The following CCZ1 variants were observed in gnomAD, a reference collection of about 807,000 sequenced individuals.
The protein encoded by CCZ1 is CCZ1 vacuolar protein trafficking and biogenesis associated, also known as vacuolar fusion protein CCZ1 homolog.
In CCZ1, 19 loss-of-function variants were observed where a neutral mutation model predicts 57.8. That is an observed-to-expected ratio of 0.33 (90% confidence interval 0.23 to 0.48). CCZ1 has a LOEUF of 0.48. CCZ1 is among the 20% of genes least tolerant of loss of function. The pLI, the probability that CCZ1 is intolerant of heterozygous loss-of-function variation, is 0.99. For synonymous variants in CCZ1, 81 were observed against 167.0 expected (o/e 0.49, Z 3.97); for missense variants, 200 against 492.0 (o/e 0.41, Z 5.61).
intron 7 of CCZ1, among the ~76,000 whole-genome samples, chr7:5,909,121 T>TTA (rs397775128): frequency 1.4e-5 from 2 of 144,818 alleles, no homozygotes; most frequent in African/African-American, 2.6e-5. Context: ...TTTTTTTTTT[T>TTA]ATCTCAAATG....
intron 12 of CCZ1, among the ~76,000 whole-genome samples, chr7:5,922,585 GTCCC>G: frequency 2.7e-5 from 4 of 148,244 alleles, no homozygotes; most frequent in African/African-American, 1.0e-4. Context: ...TTCCCACTAG[GTCCC>G]CGAGGAGGTC....
At chr7:5,912,309 C>G (rs1583187977) in intron 9 of CCZ1, among the ~76,000 whole-genome samples, 1 of 129,738 alleles carries the variant, frequency 7.7e-6, no homozygotes, top group Admixed American at 8.0e-5. Context: ...TTTGTGCCAT[C>G]TGATTGACAG....
chr7:5,923,073 C>T (rs1221053616), intron 12 of CCZ1, among the ~76,000 whole-genome samples: 1 of 123,532 alleles, frequency 8.1e-6, no homozygotes, highest in Non-Finnish European at 1.7e-5. Flanking sequence ...AATCCCTGCA[C>T]TTTGGGAGGC....
chr7:5,900,508 A>G lies in CCZ1; in HGVS notation c.254A>G (p.His85Arg). The change falls in exon 3 of 15, where the codon CAT becomes CGT. Residue 85 changes from histidine to arginine, a missense_variant. Transcript: ENST00000325974. The part of the protein sequence containing the change: ...FSPSKPAKSL[H>R]TQKNRQFFNE... ...CCATCAAAACCTGCAAAATCTTTAC[A>G]TACACAGAAGAACAGACAGTTCTTC... 6.2e-7 allele frequency: 1 copy of G among 1,601,874 alleles called. No homozygotes were observed. The highest frequency in any genetic ancestry group is 8.5e-7 in the Non-Finnish European group (1 of 1,177,892).
chr7:5,904,673 T>G (rs958774383), intron 6 of CCZ1, among the ~76,000 whole-genome samples: 2 of 146,244 alleles, frequency 1.4e-5, no homozygotes, highest in Non-Finnish European at 3.0e-5. Context: ...CTACTAAAAA[T>G]GGAAAAAAAT....
At chr7:5,905,510 A>C (rs1781789580) in intron 7 of CCZ1, among the ~76,000 whole-genome samples, 1 of 146,406 alleles carries the variant, frequency 6.8e-6, no homozygotes, top group African/African-American at 2.6e-5. Flanking sequence ...AAGGCTGGGC[A>C]CGGTGGCTCA....
chr7:5,906,147 G>T (rs553419667), intron 7 of CCZ1, among the ~76,000 whole-genome samples: 1 of 147,618 alleles, frequency 6.8e-6, no homozygotes, highest in African/African-American at 2.5e-5. Flanking sequence ...GTGTCCTGCA[G>T]TAGGAACAAC....
At chr7:5,904,822 C>G (rs1299980006) in intron 6 of CCZ1, among the ~76,000 whole-genome samples, 2 of 148,006 alleles carry the variant, frequency 1.4e-5, no homozygotes, top group Non-Finnish European at 3.0e-5. Context: ...CAGAGCAAGA[C>G]TCTGTCACAA....
chr7:5,902,679 C>T lies in CCZ1; in HGVS notation c.457C>T (p.Leu153=), dbSNP rs1462254446. 1.9e-6 allele frequency: 3 copies of T among 1,590,722 alleles called. No individual in the cohort carries two copies. Among genetic ancestry groups the T allele is most frequent in the South Asian group, 2.4e-5 (2 of 84,924 alleles). The change falls in exon 6 of 15, where the codon CTG becomes TTG. Residue 153 remains leucine, a synonymous_variant. Coordinates refer to ENST00000325974, the MANE Select transcript of CCZ1 (RefSeq NM_015622.6). The stretch of plus-strand genomic sequence containing the variant: ...TCACTAGCTTTTTAATGGTACATTT[C>T]TGAAAGCCATGGAAGACGGAGGCGT... The part of the protein sequence containing the change: ...SMYKLFNGTF[L]KAMEDGGVKL...
intron 7 of CCZ1, among the ~76,000 whole-genome samples, chr7:5,908,668 C>G (rs969492743): frequency 6.8e-6 from 1 of 147,110 alleles, no homozygotes; most frequent in African/African-American, 2.5e-5. Context: ...GTGTGAGCTT[C>G]CGCGCCCGAC....
At chr7:5,906,681 C>G (rs556061485) in intron 7 of CCZ1, among the ~76,000 whole-genome samples, 1 of 149,440 alleles carries the variant, frequency 6.7e-6, no homozygotes, top group Admixed American at 6.6e-5. Flanking sequence ...GTAAATTCAG[C>G]TAATAGAAAA....
chr7:5,921,253 G>A (rs1453900178), intron 12 of CCZ1, among the ~76,000 whole-genome samples: 1 of 130,400 alleles, frequency 7.7e-6, no homozygotes, highest in Non-Finnish European at 1.7e-5. Context: ...GCATGGTCTT[G>A]TATAACCGTG....
chr7:5,900,171 T>C lies in CCZ1; in HGVS notation c.121-113T>C, dbSNP rs1482739820. ...TGTTTTTCTAAAACCGGTTTTTGTT[T>C]TGTTTTGTCATTAGCATGTGTGACA... On this transcript the variant is annotated intron_variant, in intron 1 of 14. Coordinates refer to ENST00000325974, the MANE Select transcript of CCZ1 (RefSeq NM_015622.6). The C allele has an allele frequency of 5.0e-6, 7 of 1,403,928 alleles. No homozygotes were observed. The African/African-American group carries it at 1.0e-4, about 21-fold the overall frequency. The allele number at this position is 1,403,928 out of a possible 1,614,324, so 87.0% of individuals were successfully genotyped here. A position where few individuals can be genotyped will look rare whatever the true frequency, so the allele number is the denominator to read the frequency against.
At chr7:5,906,308 C>T (rs1157201836) in intron 7 of CCZ1, among the ~76,000 whole-genome samples, 1 of 139,774 alleles carries the variant, frequency 7.2e-6, no homozygotes, top group Admixed American at 7.2e-5. Context: ...TGACTAGAGC[C>T]CACTTTCTTT....
intron 12 of CCZ1, among the ~76,000 whole-genome samples, chr7:5,922,668 C>G: frequency 6.6e-6 from 1 of 151,570 alleles, no homozygotes; most frequent in East Asian, 1.9e-4. Context: ...AAGGTACATC[C>G]CATTTAAAAT....
intron 6 of CCZ1, among the ~76,000 whole-genome samples, chr7:5,902,950 G>A (rs1229672341): frequency 1.3e-5 from 2 of 148,706 alleles, no homozygotes; most frequent in Non-Finnish European, 3.0e-5. Context: ...TGTGGTGTAA[G>A]GCAGAGCTTC....
chr7:5,911,710 G>T (rs928922610), intron 8 of CCZ1, 151 bp from the exon 9 acceptor site: 6 of 1,336,088 alleles, frequency 4.5e-6, no homozygotes, highest in Middle Eastern at 2.2e-4. Flanking sequence ...CATGCTGCAC[G>T]CATTCCAGCC....
intron 10 of CCZ1, among the ~76,000 whole-genome samples, chr7:5,914,877 G>C (rs1426298469): frequency 7.1e-5 from 2 of 28,188 alleles, no homozygotes; most frequent in Non-Finnish European, 1.5e-4. Flanking sequence ...CTCTGTCTCA[G>C]AAAGAAAAAA....
chr7:5,916,643 G>C (rs1433708796), intron 10 of CCZ1, among the ~76,000 whole-genome samples: 2 of 148,076 alleles, frequency 1.4e-5, no homozygotes. Context: ...TGTCTCTATG[G>C]AGTGTTGACA....
Sources: allele counts gnomAD v4.1 joint callset (sites outside exome capture counted in the v4.1 genomes callset), GRCh38; gene constraint gnomAD v4.1.1; transcripts MANE v1.5; gene names NCBI Gene and HGNC (gene_info 2026-07-23, HGNC 2026-07-21).